Variants in PPFIA1 observed in about 807,000 individuals in gnomAD.
PPFIA1 encodes the protein PPFI scaffold protein A1.
Under a neutral mutation model 149.9 loss-of-function variants are expected in PPFIA1, and 25 were observed. That is an observed-to-expected ratio of 0.17 (90% confidence interval 0.12 to 0.23). PPFIA1 has a LOEUF of 0.23. PPFIA1 is among the 10% of genes least tolerant of loss of function. The pLI, the probability that PPFIA1 is intolerant of heterozygous loss-of-function variation, is 1.00. For synonymous variants in PPFIA1, 549 were observed against 552.8 expected, an observed-to-expected ratio of 0.99 and a Z score of 0.10; for missense variants, 1,362 against 1,506.5, an observed-to-expected ratio of 0.90 and a Z score of 1.59.
intron 7 of PPFIA1, among the ~76,000 whole-genome samples, chr11:70,328,473 C>T (rs2054454816): frequency 6.6e-6 from 1 of 152,162 alleles, no homozygotes; most frequent in Admixed American, 6.5e-5. Flanking sequence ...TTTATGGAGT[C>T]TATCATTGAT....
At chr11:70,322,224 T>C (rs1317126453) in intron 2 of PPFIA1, among the ~76,000 whole-genome samples, 4 of 152,228 alleles carry the variant, frequency 2.6e-5, no homozygotes, top group Admixed American at 6.5e-5. Context: ...TGTTTGCTTT[T>C]TGCCTGCAAG....
At chr11:70,296,245 C>A (rs1356953123) in intron 2 of PPFIA1, among the ~76,000 whole-genome samples, 1 of 152,060 alleles carries the variant, frequency 6.6e-6, no homozygotes, top group Non-Finnish European at 1.5e-5. Flanking sequence ...CGATGGGCGG[C>A]CAGGCAGAGA....
intron 2 of PPFIA1, among the ~76,000 whole-genome samples, chr11:70,297,479 C>T (rs1374834192): frequency 6.6e-6 from 1 of 152,116 alleles, no homozygotes; most frequent in Non-Finnish European, 1.5e-5. Context: ...CAGTAACAGT[C>T]TCTCCTTGTA....
intron 24 of PPFIA1, 149 bp downstream of exon 24, chr11:70,375,242 G>C (rs1362845758): frequency 4.5e-6 from 1 of 221,842 alleles, no homozygotes; most frequent in Non-Finnish European, 6.9e-6. Flanking sequence ...TTTTTTTTTG[G>C]TCTATTGGCT....
intron 1 of PPFIA1, 95 bp from the exon 2 acceptor site, chr11:70,272,078 C>T (rs2050127873): frequency 1.5e-6 from 2 of 1,333,808 alleles, no homozygotes; most frequent in Non-Finnish European, 2.1e-6. Context: ...AATGAGACTG[C>T]CCATCTTTTT....
intron 7 of PPFIA1, among the ~76,000 whole-genome samples, chr11:70,327,879 C>G (rs1209185219): frequency 6.6e-6 from 1 of 152,174 alleles, no homozygotes; most frequent in Non-Finnish European, 1.5e-5. Context: ...CCTTGTCAGG[C>G]GCCTCAACCG....
rs142464353 is a variant in PPFIA1 at position 70,376,536 on chromosome 11, G to A, written c.3320G>A (p.Arg1107His). ...LQIPTQNTQA[R>H]AVLEREFNNL... ...GTTTTTCTTTGGTTATTTCAGGCTC[G>A]TGCTGTCTTGGAAAGAGAATTTAAC... Residue 1107 changes from arginine (R) to histidine (H), a missense_variant, in exon 25 of 28, where the codon CGT becomes CAT. Physicochemically the swap from Arg to His is conservative, Grantham distance 29 (BLOSUM62 0). Coordinates refer to ENST00000253925, the MANE Select transcript of PPFIA1 (RefSeq NM_003626.5). 5.7e-5 allele frequency: 92 copies of A among 1,612,684 alleles called. No homozygotes were observed. Among genetic ancestry groups the A allele is most frequent in the Middle Eastern group, 1.6e-4 (1 of 6,084 alleles).
intron 2 of PPFIA1, among the ~76,000 whole-genome samples, chr11:70,272,734 C>A (rs1311239212): frequency 6.6e-6 from 1 of 152,192 alleles, no homozygotes; most frequent in Non-Finnish European, 1.5e-5. Flanking sequence ...AGCAACCAAT[C>A]TATTTGGTGC....
At chr11:70,314,162 G>A (rs1469989221) in intron 2 of PPFIA1, among the ~76,000 whole-genome samples, 2 of 152,234 alleles carry the variant, frequency 1.3e-5, no homozygotes, top group Admixed American at 6.5e-5. Flanking sequence ...AGCATTCTGT[G>A]AATAGACAGA....
At position 70,331,083 on chromosome 11, in the gene PPFIA1, T is replaced by C. The variant is rs145213667; in HGVS notation, c.1077+764T>C. ...TGCGTCTCTACTAAAAATACAAAAA[T>C]TAGCTGGGCTTGGTGGCGCGCATCT... On this transcript the variant is annotated intron_variant, in intron 8 of 27. Transcript: ENST00000253925. Among the ~76,000 whole-genome samples the C allele has an allele frequency of 4.9e-3, 751 of 151,998 alleles. 7 individuals carry two copies. The highest frequency in any genetic ancestry group is 0.017 in the African/African-American group (723 of 41,428).
rs1209704268 is a variant in PPFIA1 at position 70,362,328 on chromosome 11, G to A, written c.2705G>A (p.Arg902Gln). The A allele has an allele frequency of 1.2e-6, 2 of 1,614,162 alleles. No homozygotes were observed. The highest frequency in any genetic ancestry group is 1.1e-5 in the South Asian group (1 of 91,066). Reference protein sequence around the residue: ...GMPAWYVAACRANVKSGAIMS... With the variant: ...GMPAWYVAACQANVKSGAIMS... Reference sequence around the variant, plus strand: ...CCAGCCTGGTATGTGGCTGCCTGCCGAGCAAACGTGAAAAGCGGGGCCATC... The same window carrying A: ...CCAGCCTGGTATGTGGCTGCCTGCCAAGCAAACGTGAAAAGCGGGGCCATC... Residue 902 changes from arginine (R) to glutamine (Q), a missense_variant, in exon 21 of 28, where the codon CGA (arginine) becomes CAA (glutamine). Physicochemically the swap from Arg to Gln is conservative, Grantham distance 43. This residue lies in a region of PPFIA1 where 8 missense variants were observed against 26.5 expected (regional missense o/e 0.30). Coordinates refer to ENST00000253925, the MANE Select transcript of PPFIA1 (RefSeq NM_003626.5).
At chr11:70,366,973 G>A (rs186334509) in intron 21 of PPFIA1, among the ~76,000 whole-genome samples, 5 of 152,064 alleles carry the variant, frequency 3.3e-5, no homozygotes, top group African/African-American at 7.2e-5. Flanking sequence ...TGTTTAACTT[G>A]TTAGATATCC....
At chr11:70,301,664 G>A (rs1174464951) in intron 2 of PPFIA1, among the ~76,000 whole-genome samples, 4 of 152,018 alleles carry the variant, frequency 2.6e-5, no homozygotes, top group Non-Finnish European at 5.9e-5. Flanking sequence ...AATTAATAGG[G>A]GTACTTGTTC....
chr11:70,370,776 G>T (rs1462974478), intron 21 of PPFIA1, among the ~76,000 whole-genome samples: 2 of 151,846 alleles, frequency 1.3e-5, no homozygotes, highest in African/African-American at 4.8e-5. Context: ...TTGCTCTCAC[G>T]GTATTGTTTT....
chr11:70,347,249 TAGTA>T (rs1422415391), intron 15 of PPFIA1, among the ~76,000 whole-genome samples: 3 of 152,126 alleles, frequency 2.0e-5, no homozygotes, highest in Non-Finnish European at 4.4e-5. Flanking sequence ...AAATATCACT[TAGTA>T]AGGAAATTAT....
intron 25 of PPFIA1, 61 bp from the exon 26 acceptor site, chr11:70,377,969 C>T (rs2057553389): frequency 7.5e-7 from 1 of 1,337,456 alleles, no homozygotes; most frequent in African/African-American, 1.5e-5. Flanking sequence ...GGACATGTAA[C>T]TTTACATCTC....
chr11:70,344,776 A>G (rs2055582414), intron 15 of PPFIA1, among the ~76,000 whole-genome samples: 1 of 152,232 alleles, frequency 6.6e-6, no homozygotes, highest in Non-Finnish European at 1.5e-5. Context: ...CCTGCATCCC[A>G]GAGGACACAA....
intron 2 of PPFIA1, among the ~76,000 whole-genome samples, chr11:70,293,379 A>G (rs778315485): frequency 2.6e-5 from 4 of 152,228 alleles, no homozygotes; most frequent in East Asian, 1.9e-4. Flanking sequence ...TTTCCCATCA[A>G]TCAACTCTTG....
chr11:70,295,196 C>A (rs1486392583), intron 2 of PPFIA1, among the ~76,000 whole-genome samples: 1 of 143,254 alleles, frequency 7.0e-6, no homozygotes, highest in Non-Finnish European at 1.5e-5. Flanking sequence ...GACCCCCCCA[C>A]CTCCCTCCCG....
Sources: gnomAD v4.1 joint callset for allele counts (sites outside exome capture counted in the v4.1 genomes callset) on GRCh38, gnomAD v4.1.1 for gene constraint, gnomAD v4.1.1 regional missense constraint, MANE v1.5 for transcripts, NCBI Gene and HGNC (gene_info 2026-07-23, HGNC 2026-07-21) for gene names.